Variants in PIGK observed in about 807,000 individuals in gnomAD.
PIGK encodes the protein GPI-anchor transamidase.
In PIGK, 42 loss-of-function variants were observed where a neutral mutation model predicts 50.6. That is an observed-to-expected ratio of 0.83 (90% CI 0.65 to 1.07). PIGK has a LOEUF of 1.07. PIGK is among the 50% of genes least tolerant of loss of function. PIGK has a pLI of 0.00. For missense variants in PIGK, 448 were observed against 488.7 expected, an observed-to-expected ratio of 0.92 and a Z score of 0.78; for synonymous variants, 151 against 156.0, an observed-to-expected ratio of 0.97 and a Z score of 0.24.
intron 10 of PIGK, among the ~76,000 whole-genome samples, chr1:77,118,340 G>A (rs1654023765): frequency 6.6e-6 from 1 of 151,832 alleles, no homozygotes; most frequent in African/African-American, 2.4e-5. Context: ...CCTGGGCTCA[G>A]GGTATCCTCC....
chr1:77,136,865 A>G (rs956347246), intron 9 of PIGK, among the ~76,000 whole-genome samples: 1 of 152,136 alleles, frequency 6.6e-6, no homozygotes, highest in African/African-American at 2.4e-5. Context: ...CTCTCTGTCT[A>G]TATTTCATAC....
chr1:77,178,505 T>C (rs1209681402), intron 3 of PIGK, among the ~76,000 whole-genome samples: 2 of 152,230 alleles, frequency 1.3e-5, no homozygotes, highest in Admixed American at 6.5e-5. Context: ...CTGCAGCTGC[T>C]GGCATTTGTG....
chr1:77,090,111 CA>C lies in PIGK; in HGVS notation c.*2262del, dbSNP rs1172063876. 5 of 152,184 alleles carry C rather than the reference CA, an allele frequency of 3.3e-5. No individual in the cohort carries two copies. Among genetic ancestry groups the C allele is most frequent in the African/African-American group, 7.2e-5 (3 of 41,454 alleles). 9.4% of individuals were successfully genotyped at this position (152,184 alleles called of 1,614,324 possible). A position where few individuals can be genotyped will look rare whatever the true frequency, so the allele number is the denominator to read the frequency against. On this transcript the variant is annotated 3_prime_UTR_variant, in exon 11 of 11. Coordinates refer to ENST00000370812, the MANE Select transcript of PIGK (RefSeq NM_005482.3). The stretch of plus-strand genomic sequence containing the variant: ...ATTTACAATTTCAGAAGTGTTTAGT[CA>C]AAATACTATCTCATCTGATTCTCAC...
At chr1:77,138,005 T>C (rs754463968) in intron 9 of PIGK, among the ~76,000 whole-genome samples, 18 of 152,208 alleles carry the variant, frequency 1.2e-4, no homozygotes, top group Non-Finnish European at 1.8e-4. Context: ...GATTATTCTG[T>C]ATTGTGGTAA....
chr1:77,089,683 C>T lies in PIGK; in HGVS notation c.*2691G>A, dbSNP rs1422090186. ...AGCTGGGAATATATAAAAATCAAAA[C>T]CATAAATGCATGGATTATTTTTTGC... On this transcript the variant is annotated 3_prime_UTR_variant, in exon 11 of 11. Coordinates refer to ENST00000370812, the MANE Select transcript of PIGK (RefSeq NM_005482.3). 6.6e-6 allele frequency: 1 copy of T among 152,586 alleles called. No homozygotes were observed. Among genetic ancestry groups the T allele is most frequent in the Non-Finnish European group, 1.5e-5 (1 of 68,018 alleles). The allele number at this position is 152,586 out of a possible 1,614,324, so 9.5% of individuals were successfully genotyped here.
intron 10 of PIGK, among the ~76,000 whole-genome samples, chr1:77,118,756 C>T (rs1269490349): frequency 6.6e-6 from 1 of 152,156 alleles, no homozygotes; most frequent in African/African-American, 2.4e-5. Context: ...TCTGTGATGT[C>T]ACCTTTATCA....
In PIGK at chr1:77,163,829, A is replaced by G. The variant is rs753773272; in HGVS notation, c.584+17T>C. ...GGTATGAATATAGCTTATGAAAAGA[A>G]GTAATTTGCTAATTACCGTCTTTTC... On this transcript the variant is annotated intron_variant, in intron 6 of 10. Transcript: ENST00000370812. 7.4e-5 allele frequency: 103 copies of G among 1,387,188 alleles called. No individual in the cohort carries two copies. The highest frequency in any genetic ancestry group is 1.0e-4 in the Non-Finnish European group (99 of 977,172). 85.9% of individuals were successfully genotyped at this position (1,387,188 alleles called of 1,614,324 possible). A position where few individuals can be genotyped will look rare whatever the true frequency, so the allele number is the denominator to read the frequency against.
At chr1:77,124,628 A>AC (rs1293054505) in intron 9 of PIGK, among the ~76,000 whole-genome samples, 1 of 151,328 alleles carries the variant, frequency 6.6e-6, no homozygotes, top group Non-Finnish European at 1.5e-5. Flanking sequence ...AACAAAAAAA[A>AC]AAACACACAC....
At position 77,093,957 on chromosome 1, in the gene PIGK, T is replaced by C. The variant is rs116869458; in HGVS notation, c.1072-1467A>G. Among the ~76,000 whole-genome samples the C allele has an allele frequency of 9.9e-5, 15 of 152,242 alleles. No homozygotes were observed. In the East Asian group the frequency reaches 2.9e-3, roughly 29 times the overall value. ...CTTAATTCAATTCCAGTAGAAAATC[T>C]AGAATAATTAATAAAAAGCAAAGCT... On this transcript the variant is annotated intron_variant, in intron 10 of 10. Transcript: ENST00000370812.
At chr1:77,179,911 A>G (rs916566380) in intron 3 of PIGK, among the ~76,000 whole-genome samples, 14 of 152,136 alleles carry the variant, frequency 9.2e-5, no homozygotes, top group Admixed American at 8.5e-4. Flanking sequence ...ATTTATCATA[A>G]GGTCTCATTT....
At chr1:77,125,872 C>T (rs1654219098) in intron 9 of PIGK, among the ~76,000 whole-genome samples, 1 of 152,110 alleles carries the variant, frequency 6.6e-6, no homozygotes, top group Admixed American at 6.5e-5. Context: ...TCTTTCTGAT[C>T]CTTTTTATTT....
intron 3 of PIGK, among the ~76,000 whole-genome samples, chr1:77,183,556 T>C (rs1827448): frequency 0.23 from 35,150 of 152,038 alleles, 5,039 homozygotes; most frequent in Non-Finnish European, 0.32. Context: ...CTTGAAGTGC[T>C]TGAGTTTTCT....
At chr1:77,152,916 G>A (rs550939532) in intron 9 of PIGK, among the ~76,000 whole-genome samples, 2 of 152,200 alleles carry the variant, frequency 1.3e-5, no homozygotes, top group African/African-American at 4.8e-5. Flanking sequence ...CTATTGGTGG[G>A]AATGCAAAAT....
intron 8 of PIGK, among the ~76,000 whole-genome samples, chr1:77,155,792 ACTGT>A (rs1654995127): frequency 6.6e-6 from 1 of 152,160 alleles, no homozygotes; most frequent in Non-Finnish European, 1.5e-5. Flanking sequence ...TAGAGATAAG[ACTGT>A]CTGCACTGGC....
Position 77,177,431 on chromosome 1 carries a change from A to G in PIGK, c.240-8036T>C, listed in dbSNP as rs141102612. On this transcript the variant is annotated intron_variant, in intron 3 of 10. Transcript: ENST00000370812. ...GCGTTCTTAAACCACAAACAATAGC[A>G]TGAGCAATCTGTGCCTTAAGGACAT... is the stretch of plus-strand genomic sequence containing the variant. Among the ~76,000 whole-genome samples the G allele has an allele frequency of 3.8e-3, 573 of 152,372 alleles. 5 individuals carry two copies. Among genetic ancestry groups the G allele is most frequent in the African/African-American group, 0.013 (543 of 41,590 alleles).
At chr1:77,184,097 A>G (rs1327352537) in intron 3 of PIGK, among the ~76,000 whole-genome samples, 1 of 152,170 alleles carries the variant, frequency 6.6e-6, no homozygotes, top group Non-Finnish European at 1.5e-5. Context: ...AAGTGGCATC[A>G]CTCAGCTGTC....
intron 3 of PIGK, among the ~76,000 whole-genome samples, chr1:77,175,656 C>A (rs1293862347): frequency 6.6e-6 from 1 of 151,914 alleles, no homozygotes; most frequent in Non-Finnish European, 1.5e-5. Context: ...TAAGACAAAG[C>A]TAAATGTTGA....
intron 3 of PIGK, among the ~76,000 whole-genome samples, chr1:77,185,813 T>C (rs1655725556): frequency 6.6e-6 from 1 of 152,172 alleles, no homozygotes; most frequent in Non-Finnish European, 1.5e-5. Flanking sequence ...CAGGCCCTCA[T>C]AGGTGAACCA....
intron 10 of PIGK, among the ~76,000 whole-genome samples, chr1:77,095,506 T>G (rs1653387229): frequency 6.6e-6 from 1 of 152,066 alleles, no homozygotes; most frequent in Non-Finnish European, 1.5e-5. Context: ...TGTAACTCAT[T>G]CCCAGTTCCC....
Sources: gnomAD v4.1 joint callset for allele counts (sites outside exome capture counted in the v4.1 genomes callset) on GRCh38, gnomAD v4.1.1 for gene constraint, MANE v1.5 for transcripts, NCBI Gene and HGNC (gene_info 2026-07-23, HGNC 2026-07-21) for gene names.